The following STARD13 variants were observed in gnomAD, a reference collection of about 807,000 sequenced individuals.
STARD13 encodes the protein StAR related lipid transfer domain containing 13, also known as stAR-related lipid transfer protein 13.
In STARD13, 62 loss-of-function variants were observed where a neutral mutation model predicts 106.4. The observed-to-expected ratio is 0.58, with a 90% CI of 0.48 to 0.72. The LOEUF is 0.72. Ranked by LOEUF, STARD13 falls within the 30% of genes least tolerant of loss-of-function variation. STARD13 has a pLI of 0.00. For missense variants in STARD13, 1,387 were observed against 1,424.0 expected (o/e 0.97, Z 0.42); for synonymous variants, 565 against 553.0 (o/e 1.02, Z -0.31).
the STARD13 span, among the ~76,000 whole-genome samples, chr13:33,572,449 ATCT>A: frequency 6.6e-6 from 1 of 152,036 alleles, no homozygotes; most frequent in East Asian, 1.9e-4. Context: ...CTGTCCATAA[ATCT>A]TCTTCCACCA....
chr13:33,540,985 C>T, the STARD13 span, among the ~76,000 whole-genome samples: 1 of 152,080 alleles, frequency 6.6e-6, no homozygotes, highest in African/African-American at 2.4e-5. Flanking sequence ...CAGGGAAGTG[C>T]TAAAAGTGAG....
intron 1 of STARD13, among the ~76,000 whole-genome samples, chr13:33,317,174 G>T (rs1327640537): frequency 6.6e-6 from 1 of 151,878 alleles, no homozygotes; most frequent in Non-Finnish European, 1.5e-5. Flanking sequence ...ATATATCCTG[G>T]TCATTCTAAA....
At chr13:33,596,505 G>T in the STARD13 span, among the ~76,000 whole-genome samples, 1 of 152,100 alleles carries the variant, frequency 6.6e-6, no homozygotes, top group South Asian at 2.1e-4. Context: ...ATCAAATCAG[G>T]GCATTTAGGA....
the STARD13 span, among the ~76,000 whole-genome samples, chr13:33,631,856 T>C: frequency 6.6e-5 from 10 of 152,272 alleles, no homozygotes; most frequent in Non-Finnish European, 1.2e-4. Flanking sequence ...TAAAAGTAAT[T>C]TGCGTTAAAA....
chr13:33,332,877 T>A (rs940043245), intron 1 of STARD13, among the ~76,000 whole-genome samples: 3 of 152,202 alleles, frequency 2.0e-5, no homozygotes, highest in Non-Finnish European at 2.9e-5. Context: ...GTGCTGTGAG[T>A]GTTTAGCATA....
chr13:33,465,078 A>T, the STARD13 span, among the ~76,000 whole-genome samples: 2 of 151,944 alleles, frequency 1.3e-5, no homozygotes, highest in African/African-American at 2.4e-5. Context: ...CTTCCCCTAA[A>T]ATCTCCCACT....
chr13:33,259,992 T>A (rs1237300003), intron 1 of STARD13, among the ~76,000 whole-genome samples: 6 of 75,180 alleles, frequency 8.0e-5, no homozygotes, highest in South Asian at 4.5e-4. Context: ...TGAGATTCCA[T>A]CTCCAAAAAA....
chr13:33,138,715 A>G (rs1879405004), intron 4 of STARD13: 1 of 340,346 alleles, frequency 2.9e-6, no homozygotes, highest in Non-Finnish European at 5.9e-6. Context: ...AGGCGGCAGA[A>G]GTGCTGGTGT....
At chr13:33,279,217 C>T (rs1594209484) in intron 1 of STARD13, among the ~76,000 whole-genome samples, 5 of 152,136 alleles carry the variant, frequency 3.3e-5, no homozygotes, top group African/African-American at 4.8e-5. Context: ...CCAAAACCCA[C>T]TTATCATTTG....
At chr13:33,344,539 T>C (rs1031643633), downstream of STARD13, among the ~76,000 whole-genome samples, 2 of 152,218 alleles carry the variant, frequency 1.3e-5, no homozygotes, top group East Asian at 3.9e-4. Context: ...ATTCTTGATC[T>C]TGCTTTGCAT....
the STARD13 span, among the ~76,000 whole-genome samples, chr13:33,601,087 A>G: frequency 6.6e-6 from 1 of 152,220 alleles, no homozygotes; most frequent in Non-Finnish European, 1.5e-5. Context: ...TGCAGCTCAC[A>G]GGGTAGAAGA....
At chr13:33,458,407 G>A in the STARD13 span, among the ~76,000 whole-genome samples, 1 of 151,678 alleles carries the variant, frequency 6.6e-6, no homozygotes, top group Non-Finnish European at 1.5e-5. Flanking sequence ...CGCGAAATAT[G>A]TAGTTTATAA....
At chr13:33,225,313 C>T (rs566454912) in intron 1 of STARD13, among the ~76,000 whole-genome samples, 2 of 152,300 alleles carry the variant, frequency 1.3e-5, no homozygotes, top group South Asian at 4.2e-4. Flanking sequence ...TTGAGCCAGA[C>T]TGGTTTTTTA....
At chr13:33,195,359 C>T (rs74714752) in intron 1 of STARD13, among the ~76,000 whole-genome samples, 5,090 of 152,222 alleles carry the variant, frequency 0.033, 114 homozygotes, top group Admixed American at 0.051. Context: ...AGTTTTGTAG[C>T]GGGAAAAATA....
At chr13:33,592,484 TTGCCA>T in the STARD13 span, among the ~76,000 whole-genome samples, 1 of 152,166 alleles carries the variant, frequency 6.6e-6, no homozygotes, top group Admixed American at 6.5e-5. Context: ...CCTCATGCCC[TTGCCA>T]GGGGTCAACT....
At chr13:33,317,569 C>T (rs1893388140) in intron 1 of STARD13, among the ~76,000 whole-genome samples, 1 of 152,180 alleles carries the variant, frequency 6.6e-6, no homozygotes, top group Non-Finnish European at 1.5e-5. Context: ...CAATTACCTC[C>T]TTTCATCTAG....
chr13:33,140,414 A>G (rs973062706), intron 4 of STARD13, among the ~76,000 whole-genome samples: 2 of 152,262 alleles, frequency 1.3e-5, no homozygotes, highest in Admixed American at 1.3e-4. Context: ...AATAGTGTGT[A>G]TGCTTCTCAA....
chr13:33,290,787 A>C (rs1224268448), intron 1 of STARD13, among the ~76,000 whole-genome samples: 1 of 152,082 alleles, frequency 6.6e-6, no homozygotes, highest in Admixed American at 6.6e-5. Context: ...CCATTACTAC[A>C]CCCACGCACT....
At chr13:33,584,628 T>A in the STARD13 span, among the ~76,000 whole-genome samples, 5 of 152,146 alleles carry the variant, frequency 3.3e-5, no homozygotes, top group African/African-American at 1.2e-4. Flanking sequence ...GTCGAGCATG[T>A]CTTTCTTTAT....
Sources: gnomAD v4.1 joint callset for allele counts (sites outside exome capture counted in the v4.1 genomes callset) on GRCh38, gnomAD v4.1.1 for gene constraint, MANE v1.5 for transcripts, NCBI Gene and HGNC (gene_info 2026-07-23, HGNC 2026-07-21) for gene names.